The following GAS7 variants were observed in gnomAD, a reference collection of about 807,000 sequenced individuals.
GAS7 encodes the protein growth arrest-specific protein 7.
Under a neutral mutation model 71.1 loss-of-function variants are expected in GAS7, and 28 were observed. The observed-to-expected ratio is 0.39, with a 90% confidence interval of 0.29 to 0.54. The LOEUF (loss-of-function observed/expected upper bound fraction) is 0.54. Ranked by LOEUF, GAS7 falls within the 20% of genes least tolerant of loss-of-function variation. GAS7 has a pLI of 0.62. For missense variants in GAS7, 436 were observed against 627.8 expected, an observed-to-expected ratio of 0.69 and a Z score of 3.27; for synonymous variants, 258 against 245.8, an observed-to-expected ratio of 1.05 and a Z score of -0.46.
At chr17:10,028,563 T>A (rs560154542) in intron 1 of GAS7, among the ~76,000 whole-genome samples, 1 of 151,990 alleles carries the variant, frequency 6.6e-6, no homozygotes, top group Admixed American at 6.6e-5. Context: ...TCTCACATAG[T>A]ATCCAGAAGA....
intron 1 of GAS7, among the ~76,000 whole-genome samples, chr17:10,105,636 C>T (rs1335647988): frequency 2.6e-5 from 4 of 152,176 alleles, no homozygotes; most frequent in African/African-American, 7.2e-5. Context: ...ATCCAGACAA[C>T]AGTTTAAGCG....
chr17:9,958,989 AC>A, intron 5 of GAS7: 1 of 1,416,902 alleles, frequency 7.1e-7, no homozygotes, highest in East Asian at 2.6e-5. Flanking sequence ...CCACTTGTTC[AC>A]CAGGAGAGAA....
chr17:10,076,826 G>A (rs1405124237), intron 1 of GAS7, among the ~76,000 whole-genome samples: 6 of 129,614 alleles, frequency 4.6e-5, no homozygotes, highest in African/African-American at 9.6e-5. Flanking sequence ...GTACCAGGGC[G>A]AGAAAACAGC....
At chr17:10,032,420 C>A (rs975536942) in intron 1 of GAS7, among the ~76,000 whole-genome samples, 3 of 152,170 alleles carry the variant, frequency 2.0e-5, no homozygotes, top group Admixed American at 2.0e-4. Flanking sequence ...AGCCCCAACT[C>A]AGGATGACAA....
chr17:9,925,045 G>A (rs369601333), intron 11 of GAS7, among the ~76,000 whole-genome samples: 3 of 152,250 alleles, frequency 2.0e-5, no homozygotes, highest in Admixed American at 2.0e-4. Context: ...CCTTCAGAGA[G>A]AGCATTGCTT....
intron 2 of GAS7, among the ~76,000 whole-genome samples, chr17:10,010,729 T>G (rs1007360556): frequency 1.3e-5 from 2 of 152,220 alleles, no homozygotes; most frequent in African/African-American, 2.4e-5. Flanking sequence ...AAATCATCTA[T>G]CATAAAGCCT....
intron 2 of GAS7, among the ~76,000 whole-genome samples, chr17:10,016,974 TAAAG>T (rs2072050077): frequency 7.9e-6 from 1 of 127,078 alleles, no homozygotes; most frequent in Non-Finnish European, 1.7e-5. Flanking sequence ...TATAAAAAAA[TAAAG>T]AAATCAGCCG....
intron 2 of GAS7, among the ~76,000 whole-genome samples, chr17:9,982,498 C>T (rs562076050): frequency 9.7e-4 from 148 of 152,224 alleles, no homozygotes; most frequent in African/African-American, 3.2e-3. Flanking sequence ...TAAAACTGGC[C>T]GGGCACAGTG....
intron 12 of GAS7, 31 bp from the exon 13 acceptor site, chr17:9,918,130 G>A (rs367859092): frequency 2.5e-5 from 38 of 1,527,128 alleles, no homozygotes; most frequent in Non-Finnish European, 3.2e-5. Context: ...AGAGAACTCT[G>A]AGCACGTCCC....
intron 3 of GAS7, among the ~76,000 whole-genome samples, chr17:9,973,268 T>A (rs947127868): frequency 1.3e-5 from 2 of 152,004 alleles, no homozygotes; most frequent in African/African-American, 4.8e-5. Flanking sequence ...TTTTTTTTTT[T>A]TTTTGAGACG....
intron 7 of GAS7, 83 bp downstream of exon 7, chr17:9,943,038 C>T (rs568711652): frequency 8.9e-5 from 74 of 829,428 alleles, no homozygotes; most frequent in Non-Finnish European, 1.4e-4. Context: ...GTACTGAGTC[C>T]TGTGCTGTCG....
At chr17:10,105,867 G>C (rs1294718091) in intron 1 of GAS7, among the ~76,000 whole-genome samples, 1 of 152,136 alleles carries the variant, frequency 6.6e-6, no homozygotes, top group Non-Finnish European at 1.5e-5. Flanking sequence ...CTGCATTCCA[G>C]CTCCTCCTCC....
At chr17:10,051,733 C>T (rs1019298366) in intron 1 of GAS7, among the ~76,000 whole-genome samples, 1 of 152,154 alleles carries the variant, frequency 6.6e-6, no homozygotes, top group Non-Finnish European at 1.5e-5. Flanking sequence ...AAAATGGCCT[C>T]ATGTGCCTTC....
intron 1 of GAS7, among the ~76,000 whole-genome samples, chr17:10,085,706 AAAAGAAAG>A (rs796340516): frequency 1.9e-4 from 25 of 134,944 alleles, no homozygotes; most frequent in African/African-American, 3.9e-4. Context: ...AAAAAAAAAA[AAAAGAAAG>A]AAAGAAAGAA....
At chr17:9,967,160 C>G (rs1025760605) in intron 4 of GAS7, among the ~76,000 whole-genome samples, 1 of 133,220 alleles carries the variant, frequency 7.5e-6, no homozygotes, top group Non-Finnish European at 1.6e-5. Flanking sequence ...CATACTGGTA[C>G]CTACTTTGTA....
At chr17:10,067,427 T>C (rs2073293376) in intron 1 of GAS7, among the ~76,000 whole-genome samples, 1 of 151,980 alleles carries the variant, frequency 6.6e-6, no homozygotes, top group Non-Finnish European at 1.5e-5. Flanking sequence ...GTAGTTTTAG[T>C]AGAGACGGGG....
At position 10,196,322 on chromosome 17, in the gene GAS7, T is replaced by TG. The variant is rs945113261; in HGVS notation, c.183+1885dup. On this transcript the variant is annotated intron_variant, in intron 1 of 13. Transcript: ENST00000432992. ...ATATTCAGCTTGCTTGTCTATAAAA[T>TG]GGGGGAAGTACCTCACCCTTCACAG... Among the ~76,000 whole-genome samples, 12 of 152,244 alleles carry TG rather than the reference T, an allele frequency of 7.9e-5. 1 individual carries two copies. The highest frequency in any genetic ancestry group is 2.6e-4 in the African/African-American group (11 of 41,552).
At chr17:10,174,807 T>C (rs901606718) in intron 1 of GAS7, among the ~76,000 whole-genome samples, 1 of 152,188 alleles carries the variant, frequency 6.6e-6, no homozygotes, top group African/African-American at 2.4e-5. Context: ...TGCCAGTGCC[T>C]TCACGGGCTT....
At chr17:9,980,318 G>A (rs767783425) in intron 3 of GAS7, among the ~76,000 whole-genome samples, 4 of 152,084 alleles carry the variant, frequency 2.6e-5, no homozygotes, top group Non-Finnish European at 5.9e-5. Context: ...TGCTCTGAAA[G>A]GTGAGGATCT....
Sources: allele counts gnomAD v4.1 joint callset (sites outside exome capture counted in the v4.1 genomes callset), GRCh38; gene constraint gnomAD v4.1.1; transcripts MANE v1.5; gene names NCBI Gene and HGNC (gene_info 2026-07-23, HGNC 2026-07-21).